The following CDH18 variants were observed in gnomAD, a reference collection of about 807,000 sequenced individuals.
The protein encoded by CDH18 is cadherin 18.
Under a neutral mutation model 67.9 loss-of-function variants are expected in CDH18, and 31 were observed. The observed-to-expected ratio is 0.46, with a 90% confidence interval of 0.34 to 0.62. The LOEUF (loss-of-function observed/expected upper bound fraction) is 0.62, where lower values mean the gene tolerates loss of function less well. Among genes scored for constraint, CDH18 ranks in the 20% least tolerant of loss-of-function variants. CDH18 has a pLI of 0.01. For missense variants in CDH18, 890 were observed against 975.5 expected (o/e 0.91, Z 1.17); for synonymous variants, 362 against 347.2 (o/e 1.04, Z -0.48).
chr5:19,812,896 C>G (rs573509777), intron 3 of CDH18, among the ~76,000 whole-genome samples: 51 of 152,192 alleles, frequency 3.4e-4, no homozygotes, highest in African/African-American at 1.2e-3. Context: ...AACCCAAATG[C>G]CCATCAATGA....
intron 1 of CDH18, among the ~76,000 whole-genome samples, chr5:20,469,006 C>T (rs59666878): frequency 0.28 from 42,960 of 152,090 alleles, 6,313 homozygotes; most frequent in East Asian, 0.39. Context: ...CCTATGTCCT[C>T]GGCTGAAGTC....
chr5:20,163,698 C>T (rs945096065), intron 2 of CDH18, among the ~76,000 whole-genome samples: 7 of 151,858 alleles, frequency 4.6e-5, no homozygotes, highest in South Asian at 2.1e-4. Context: ...TATTGGGTAA[C>T]GAGAAAGAAG....
intron 1 of CDH18, among the ~76,000 whole-genome samples, chr5:20,571,751 T>G (rs1758833746): frequency 6.6e-6 from 1 of 152,164 alleles, no homozygotes; most frequent in African/African-American, 2.4e-5. Flanking sequence ...AGCTATTCAA[T>G]AAATGATTGA....
chr5:19,842,947 T>C (rs1362481985), intron 2 of CDH18, among the ~76,000 whole-genome samples: 1 of 152,162 alleles, frequency 6.6e-6, no homozygotes, highest in Non-Finnish European at 1.5e-5. Context: ...TAGAGATCTG[T>C]GGAACTTTGA....
At chr5:19,543,253 A>G (rs957110499) in intron 9 of CDH18, among the ~76,000 whole-genome samples, 1 of 152,078 alleles carries the variant, frequency 6.6e-6, no homozygotes, top group Non-Finnish European at 1.5e-5. Context: ...CAGAAGTATT[A>G]CGGATATATA....
At chr5:19,870,338 A>G (rs941072906) in intron 2 of CDH18, among the ~76,000 whole-genome samples, 32 of 152,220 alleles carry the variant, frequency 2.1e-4, no homozygotes, top group African/African-American at 7.5e-4. Context: ...AACTTGTTCT[A>G]CTTTATGCTA....
At chr5:19,659,077 C>T (rs553801858) in intron 5 of CDH18, among the ~76,000 whole-genome samples, 6 of 152,230 alleles carry the variant, frequency 3.9e-5, no homozygotes, top group Admixed American at 3.9e-4. Context: ...AATGTTCTCA[C>T]TCATAGGTGG....
At chr5:19,983,014 CAG>C (rs1799211213) in intron 1 of CDH18, among the ~76,000 whole-genome samples, 1 of 61,960 alleles carries the variant, frequency 1.6e-5, no homozygotes, top group Non-Finnish European at 3.7e-5. Context: ...GCCTGGGCGA[CAG>C]AGCAAGACTC....
intron 1 of CDH18, among the ~76,000 whole-genome samples, chr5:20,357,931 A>T (rs995070128): frequency 6.6e-6 from 1 of 152,232 alleles, no homozygotes; most frequent in African/African-American, 2.4e-5. Flanking sequence ...TTAAAAAAAA[A>T]AATGTGGTTA....
intron 4 of CDH18, 75 bp downstream of exon 4, chr5:19,746,867 A>C: frequency 8.5e-7 from 1 of 1,174,326 alleles, no homozygotes. Context: ...TATAAGTAAA[A>C]ATTGGTATTC....
At chr5:20,196,778 C>T (rs952599939) in intron 2 of CDH18, among the ~76,000 whole-genome samples, 3 of 152,144 alleles carry the variant, frequency 2.0e-5, no homozygotes, top group African/African-American at 7.2e-5. Flanking sequence ...TGATTTGAAG[C>T]ATGATTACTC....
chr5:19,485,778 T>C (rs923037099), intron 11 of CDH18, among the ~76,000 whole-genome samples: 2 of 152,126 alleles, frequency 1.3e-5, no homozygotes, highest in Admixed American at 1.3e-4. Context: ...TGTTTGACAA[T>C]CTTACAGCTG....
chr5:19,536,424 G>A (rs561850253), intron 9 of CDH18, among the ~76,000 whole-genome samples: 61 of 152,314 alleles, frequency 4.0e-4, no homozygotes, highest in South Asian at 1.4e-3. Context: ...CCTGTTTGGA[G>A]ACTATGATGA....
chr5:19,925,931 G>T (rs1284544519), intron 2 of CDH18, among the ~76,000 whole-genome samples: 1 of 152,104 alleles, frequency 6.6e-6, no homozygotes, highest in African/African-American at 2.4e-5. Flanking sequence ...TGGTCTATGT[G>T]TGCATAAGTT....
chr5:20,081,487 T>C (rs1467547938), intron 2 of CDH18, among the ~76,000 whole-genome samples: 1 of 152,158 alleles, frequency 6.6e-6, no homozygotes, highest in East Asian at 1.9e-4. Flanking sequence ...ACCATAAAGA[T>C]ACATGCATAA....
At chr5:19,672,528 C>T (rs1049618992) in intron 5 of CDH18, among the ~76,000 whole-genome samples, 1 of 152,000 alleles carries the variant, frequency 6.6e-6, no homozygotes, top group Admixed American at 6.6e-5. Context: ...GTTCACACAA[C>T]TTTTTATCTA....
chr5:20,138,977 T>C (rs1354303245), intron 2 of CDH18, among the ~76,000 whole-genome samples: 2 of 152,050 alleles, frequency 1.3e-5, no homozygotes, highest in African/African-American at 4.8e-5. Context: ...TTAAAGTACA[T>C]ATAGAACCAA....
intron 1 of CDH18, among the ~76,000 whole-genome samples, chr5:20,433,682 T>C (rs1748949267): frequency 6.6e-6 from 1 of 151,924 alleles, no homozygotes; most frequent in African/African-American, 2.4e-5. Flanking sequence ...TATTTGTAAA[T>C]AAAGAAGCAT....
At chr5:20,257,218 A>AT (rs1580602079) in intron 1 of CDH18, among the ~76,000 whole-genome samples, 2 of 152,066 alleles carry the variant, frequency 1.3e-5, no homozygotes, top group East Asian at 3.9e-4. Context: ...GTGGGCTGTC[A>AT]TTAGGAACTG....
Sources: allele counts gnomAD v4.1 joint callset (sites outside exome capture counted in the v4.1 genomes callset), GRCh38; gene constraint gnomAD v4.1.1; transcripts MANE v1.5; gene names NCBI Gene and HGNC (gene_info 2026-07-23, HGNC 2026-07-21).